CNOT1: variants seen among roughly 807,000 people sequenced by gnomAD.
CNOT1 encodes CCR4-associated factor 1.
A neutral mutation model predicts 273.8 loss-of-function variants in CNOT1; 15 were observed. That is an observed-to-expected ratio of 0.05 (90% CI 0.04 to 0.08). CNOT1 has a LOEUF of 0.08. Among genes scored for constraint, CNOT1 ranks in the 10% least tolerant of loss-of-function variants. The probability of loss-of-function intolerance (pLI) is 1.00; values close to 1 mark genes in which losing one functional copy is unlikely to be tolerated. For missense variants in CNOT1, 1,644 were observed against 2,912.2 expected, an observed-to-expected ratio of 0.56 and a Z score of 10.02; for synonymous variants, 1,022 against 1,005.5, an observed-to-expected ratio of 1.02 and a Z score of -0.31.
At chr16:58,541,423 AGTCAAAAACATATATTAAAT>A (rs1412505282) in intron 34 of CNOT1, 58 bp downstream of exon 34, 36 of 1,558,570 alleles carry the variant, frequency 2.3e-5, no homozygotes, top group South Asian at 7.2e-5. Context: ...CCAGGAAGCA[AGTCAAAAACATATATTAAAT>A]GTCAAAAACA....
intron 1 of CNOT1, among the ~76,000 whole-genome samples, chr16:58,629,321 G>A (rs2043726244): frequency 6.6e-6 from 1 of 152,244 alleles, no homozygotes; most frequent in African/African-American, 2.4e-5. Context: ...CCATCAGGGA[G>A]CAGAGACAGA....
At chr16:58,588,670 C>G in intron 3 of CNOT1, 129 bp downstream of exon 3, 4 of 1,213,618 alleles carry the variant, frequency 3.3e-6, no homozygotes, top group Non-Finnish European at 4.5e-6. Context: ...AAATCTAACA[C>G]CTTTTCACCA....
rs2040310075 is a variant in CNOT1, at chr16:58,547,835, A to G, written c.3523-153T>C. Among the ~76,000 whole-genome samples the G allele has an allele frequency of 6.6e-6, 1 of 152,338 alleles. No individual in the cohort carries two copies. Among genetic ancestry groups the G allele is most frequent in the East Asian group, 1.9e-4 (1 of 5,190 alleles). On this transcript the variant is annotated intron_variant, in intron 25 of 48. Coordinates refer to ENST00000317147, the MANE Select transcript of CNOT1 (RefSeq NM_016284.5). The surrounding 1 kb of genome is among the most constrained non-coding windows in gnomAD (Gnocchi z 4.0). ...AGAATTACTCTGTATATCATTCTCA[A>G]TATCATTTTGCTGTGTTTATGATTC... is the stretch of plus-strand genomic sequence containing the variant.
intron 44 of CNOT1, 196 bp downstream of exon 44, chr16:58,528,279 C>T: frequency 1.6e-6 from 1 of 614,878 alleles, no homozygotes; most frequent in Non-Finnish European, 2.9e-6. Context: ...TGCTGTGAAC[C>T]AATATTCACC....
chr16:58,599,164 T>C (rs2042378572), intron 2 of CNOT1, 72 bp downstream of exon 2: 5 of 1,578,330 alleles, frequency 3.2e-6, no homozygotes, highest in South Asian at 1.1e-5. Context: ...CATGCCCACA[T>C]AAATGTGTGG....
intron 12 of CNOT1, 44 bp downstream of exon 12, chr16:58,580,589 A>T (rs1213590044): frequency 6.3e-7 from 1 of 1,584,994 alleles, no homozygotes. Flanking sequence ...ATTTCACAAA[A>T]TAAGAAGTAA....
intron 16 of CNOT1, among the ~76,000 whole-genome samples, chr16:58,573,732 C>T (rs1341771908): frequency 6.6e-6 from 1 of 152,042 alleles, no homozygotes; most frequent in African/African-American, 2.4e-5. Flanking sequence ...TCGCCCGCCT[C>T]GGCCTCCCAA....
Position 58,574,583 on chromosome 16 carries a change from G to C in CNOT1, c.1979+26C>G, listed in dbSNP as rs368181180. 17 of 1,546,110 alleles carry C rather than the reference G, an allele frequency of 1.1e-5. No individual in the cohort carries two copies. The African/African-American group carries it at 2.2e-4, about 20-fold the overall frequency. Reference sequence around the variant, plus strand: ...ATTCATATAATCCAATTCAAAAAAAGTCATATTCATGTATGTACTTCTTAC... The same window carrying C: ...ATTCATATAATCCAATTCAAAAAAACTCATATTCATGTATGTACTTCTTAC... On this transcript the variant is annotated intron_variant, in intron 16 of 48. Transcript: ENST00000317147.
chr16:58,583,239 A>G lies in CNOT1; in HGVS notation c.807-57T>C, dbSNP rs570258974. 7.5e-6 allele frequency: 12 copies of G among 1,592,632 alleles called. 1 individual carries two copies. The South Asian group carries it at 1.3e-4, about 18-fold the overall frequency. Reference sequence around the variant, plus strand: ...TACCAGCCTCAACACCGAGATTGAGAAATTCTGGCATTAAATGAACCTTGT... The same window carrying G: ...TACCAGCCTCAACACCGAGATTGAGGAATTCTGGCATTAAATGAACCTTGT... On this transcript the variant is annotated intron_variant, in intron 8 of 48. Coordinates refer to ENST00000317147, the MANE Select transcript of CNOT1 (RefSeq NM_016284.5).
At chr16:58,561,801 T>C (rs927309306) in intron 16 of CNOT1, among the ~76,000 whole-genome samples, 4 of 152,280 alleles carry the variant, frequency 2.6e-5, no homozygotes, top group Admixed American at 1.3e-4. Flanking sequence ...AAATCCTAAA[T>C]ACTTCTGACC....
intron 1 of CNOT1, among the ~76,000 whole-genome samples, chr16:58,617,175 C>G (rs1159994518): frequency 6.6e-6 from 1 of 151,866 alleles, no homozygotes; most frequent in Non-Finnish European, 1.5e-5. Flanking sequence ...ATCTGGGGAA[C>G]AGTGAGACCA....
At chr16:58,626,266 G>C (rs1254928863) in intron 1 of CNOT1, among the ~76,000 whole-genome samples, 1 of 151,946 alleles carries the variant, frequency 6.6e-6, no homozygotes, top group African/African-American at 2.4e-5. Flanking sequence ...AAACTAGCTG[G>C]CTGTGGTGGC....
chr16:58,614,549 C>T (rs28580327), intron 1 of CNOT1, among the ~76,000 whole-genome samples: 73,823 of 122,718 alleles, frequency 0.6, 29,971 homozygotes, highest in African/African-American at 0.79. Context: ...TTCACATACA[C>T]GTGCTGTCGC....
rs558144809 is a variant in CNOT1 at position 58,560,606 on chromosome 16, C to T, written c.1980-244G>A. ...AAAGAAACTTTGTTGAGGCTGGGCA[C>T]GGTGGCTCATACCTGTAGTCTCACT... On this transcript the variant is annotated intron_variant, in intron 16 of 48. Transcript: ENST00000317147. Among the ~76,000 whole-genome samples the T allele has an allele frequency of 4.3e-4, 65 of 152,200 alleles. No individual in the cohort carries two copies. The South Asian group carries it at 4.6e-3, about 11-fold the overall frequency.
At chr16:58,554,168 A>C (rs2040546659) in intron 21 of CNOT1, among the ~76,000 whole-genome samples, 1 of 152,158 alleles carries the variant, frequency 6.6e-6, no homozygotes, top group Non-Finnish European at 1.5e-5. Context: ...TGGAAAAATA[A>C]TTTGTAGTCA....
At chr16:58,613,649 T>C (rs1248488504) in intron 1 of CNOT1, among the ~76,000 whole-genome samples, 4 of 124,348 alleles carry the variant, frequency 3.2e-5, no homozygotes, top group East Asian at 1.9e-4. Flanking sequence ...CCATAAATAA[T>C]AGAAATTATC....
chr16:58,543,528 A>G lies in CNOT1; in HGVS notation c.4434+79T>C, dbSNP rs188816447. 153 of 1,606,026 alleles carry G rather than the reference A, an allele frequency of 9.5e-5. No individual in the cohort carries two copies. In the African/African-American group the frequency reaches 1.8e-3, roughly 19 times the overall value. On this transcript the variant is annotated intron_variant, in intron 31 of 48. Coordinates refer to ENST00000317147, the MANE Select transcript of CNOT1 (RefSeq NM_016284.5). ...AGAATAAGTGGTAACGCCCAGTGCC[A>G]TATATAGACAAAGAAAAAAATTATT...
chr16:58,563,609 A>C (rs1189731542), intron 16 of CNOT1, among the ~76,000 whole-genome samples: 1 of 152,226 alleles, frequency 6.6e-6, no homozygotes, highest in Non-Finnish European at 1.5e-5. Flanking sequence ...AGGAAACAAG[A>C]GGTCCTCTGA....
At chr16:58,600,870 T>C (rs1415489117) in intron 1 of CNOT1, among the ~76,000 whole-genome samples, 2 of 152,160 alleles carry the variant, frequency 1.3e-5, no homozygotes, top group Non-Finnish European at 2.9e-5. Context: ...GAGGATGAGG[T>C]GGGAGATGGG....
Sources: gnomAD v4.1 joint callset for allele counts (sites outside exome capture counted in the v4.1 genomes callset) on GRCh38, gnomAD v4.1.1 for gene constraint, Gnocchi (gnomAD v3.1) non-coding constraint, MANE v1.5 for transcripts, NCBI Gene and HGNC (gene_info 2026-07-23, HGNC 2026-07-21) for gene names.